Variants in IL1RAPL1 observed in about 807,000 individuals in gnomAD.
The protein encoded by IL1RAPL1 is interleukin 1 receptor accessory protein like 1, also known as interleukin-1 receptor accessory protein-like 1.
IL1RAPL1 carries 3 observed loss-of-function variants against 48.4 expected under a neutral mutation model. The ratio of observed to expected loss-of-function variants is 0.06; its 90% CI spans 0.03 to 0.16. The LOEUF (loss-of-function observed/expected upper bound fraction) is 0.16, where lower values mean the gene tolerates loss of function less well. IL1RAPL1 is among the 10% of genes least tolerant of loss of function. The probability of loss-of-function intolerance (pLI) is 1.00; values close to 1 mark genes in which losing one functional copy is unlikely to be tolerated. For missense variants in IL1RAPL1, 349 were observed against 530.6 expected (o/e 0.66, Z 3.36); for synonymous variants, 185 against 187.7 (o/e 0.99, Z 0.12).
intron 6 of IL1RAPL1, among the ~76,000 whole-genome samples, chrX:29,860,276 AATAACT>A (rs1292345869): frequency 8.9e-6 from 1 of 112,079 alleles, no homozygotes; most frequent in African/African-American, 3.2e-5. Context: ...AAACCATATA[AATAACT>A]ATAATACTCT....
chrX:28,752,555 T>C (rs1936056470), intron 1 of IL1RAPL1, among the ~76,000 whole-genome samples: 1 of 112,201 alleles, frequency 8.9e-6, no homozygotes. Flanking sequence ...TCAAAGCAGG[T>C]GATGTTTAGG....
chrX:29,066,980 G>T (rs1190091865), intron 2 of IL1RAPL1, among the ~76,000 whole-genome samples: 1 of 111,820 alleles, frequency 8.9e-6, no homozygotes, highest in Admixed American at 9.5e-5. Flanking sequence ...GAGGAAGGAT[G>T]TAGACCATGT....
At chrX:29,839,622 A>G (rs1019691663) in intron 6 of IL1RAPL1, among the ~76,000 whole-genome samples, 2 of 112,569 alleles carry the variant, frequency 1.8e-5, no homozygotes, top group Non-Finnish European at 3.7e-5. Flanking sequence ...TTGGCTGGGC[A>G]CAGTGGCTCA....
At chrX:29,156,065 A>G (rs752871762) in intron 2 of IL1RAPL1, among the ~76,000 whole-genome samples, 1 of 111,290 alleles carries the variant, frequency 9.0e-6, no homozygotes, top group African/African-American at 3.3e-5. Context: ...CACTATTTCA[A>G]AGTGTGCATA....
intron 1 of IL1RAPL1, among the ~76,000 whole-genome samples, chrX:28,781,510 G>T (rs1217269691): frequency 9.1e-6 from 1 of 109,524 alleles, no homozygotes; most frequent in Non-Finnish European, 1.9e-5. Context: ...ACCTGATTAG[G>T]CTGGGCCCAA....
intron 2 of IL1RAPL1, among the ~76,000 whole-genome samples, chrX:29,272,493 T>C: frequency 8.9e-6 from 1 of 111,985 alleles, no homozygotes; most frequent in East Asian, 2.8e-4. Context: ...CAATCTCTTC[T>C]GGCTTGTAGG....
At chrX:28,608,503 A>G (rs1488873880) in intron 1 of IL1RAPL1, among the ~76,000 whole-genome samples, 5 of 111,981 alleles carry the variant, frequency 4.5e-5, no homozygotes, top group Non-Finnish European at 9.4e-5. Flanking sequence ...TCTTTTCTAT[A>G]CTGAAGAAAA....
rs769998048 is a variant in IL1RAPL1 at position 29,568,007 on chromosome X, G to A, written c.704-100423G>A. On this transcript the variant is annotated intron_variant, in intron 5 of 10. Coordinates refer to ENST00000378993, the MANE Select transcript of IL1RAPL1 (RefSeq NM_014271.4). ...ATAACCCTTAATTCCAACATGATCT[G>A]TTTCAGATTACTAAAGGAAATATAT... Among the ~76,000 whole-genome samples, 21 of 109,758 alleles carry A rather than the reference G, an allele frequency of 1.9e-4. 1 individual carries two copies. Among genetic ancestry groups the A allele is most frequent in the Non-Finnish European group, 3.6e-4 (19 of 52,402 alleles).
At chrX:29,716,361 G>A (rs1218182499) in intron 6 of IL1RAPL1, among the ~76,000 whole-genome samples, 2 of 111,276 alleles carry the variant, frequency 1.8e-5, no homozygotes, top group East Asian at 5.7e-4. Flanking sequence ...CCTTGCTTGT[G>A]ATCATCTCAG....
chrX:29,856,559 A>C (rs985933149), intron 6 of IL1RAPL1, among the ~76,000 whole-genome samples: 2 of 111,971 alleles, frequency 1.8e-5, no homozygotes, highest in African/African-American at 6.5e-5. Context: ...TTCTTTTGCT[A>C]CCAAATGAGT....
intron 5 of IL1RAPL1, among the ~76,000 whole-genome samples, chrX:29,509,663 GCA>G (rs1569327290): frequency 9.2e-6 from 1 of 108,261 alleles, no homozygotes. Flanking sequence ...GCACACACAT[GCA>G]CACACACGCA....
intron 5 of IL1RAPL1, among the ~76,000 whole-genome samples, chrX:29,486,612 C>CAAAAAAGAAAAAAA (rs1935098646): frequency 2.4e-5 from 1 of 40,915 alleles, no homozygotes; most frequent in Non-Finnish European, 4.1e-5. Flanking sequence ...AAGTGCTATA[C>CAAAAAAGAAAAAAA]AAAAAAAAAA....
chrX:29,405,935 T>C (rs1259266071), intron 5 of IL1RAPL1, among the ~76,000 whole-genome samples: 1 of 111,763 alleles, frequency 8.9e-6, no homozygotes, highest in Non-Finnish European at 1.9e-5. Flanking sequence ...GATGTTCTTT[T>C]CTGTTTTTAT....
chrX:28,984,070 T>G (rs1015037050), intron 2 of IL1RAPL1, among the ~76,000 whole-genome samples: 5 of 111,568 alleles, frequency 4.5e-5, no homozygotes, highest in African/African-American at 6.5e-5. Context: ...AGCTCAAAGT[T>G]CTAGAGCAGT....
At chrX:28,801,871 A>T (rs984606918) in intron 2 of IL1RAPL1, among the ~76,000 whole-genome samples, 70 of 112,041 alleles carry the variant, frequency 6.2e-4, no homozygotes, top group African/African-American at 2.1e-3. Context: ...TTGCACTACA[A>T]CATTGTCCAT....
At chrX:28,820,111 A>G (rs1221992305) in intron 2 of IL1RAPL1, among the ~76,000 whole-genome samples, 1 of 102,725 alleles carries the variant, frequency 9.7e-6, no homozygotes, top group Admixed American at 1.1e-4. Flanking sequence ...TACCTACTCA[A>G]ATTATCCTTT....
intron 5 of IL1RAPL1, among the ~76,000 whole-genome samples, chrX:29,617,913 G>A (rs1387723745): frequency 9.0e-6 from 1 of 111,503 alleles, no homozygotes; most frequent in Non-Finnish European, 1.9e-5. Context: ...AATAAGAATG[G>A]TGTCACCTGC....
At chrX:29,772,396 G>A (rs1461779691) in intron 6 of IL1RAPL1, among the ~76,000 whole-genome samples, 2 of 111,172 alleles carry the variant, frequency 1.8e-5, no homozygotes, top group African/African-American at 6.5e-5. Flanking sequence ...GTACGTTAGT[G>A]ATAATATCAC....
intron 2 of IL1RAPL1, among the ~76,000 whole-genome samples, chrX:28,809,173 A>G (rs1309262270): frequency 9.1e-6 from 1 of 109,928 alleles, no homozygotes; most frequent in Non-Finnish European, 1.9e-5. Flanking sequence ...TAGATCTAGT[A>G]ATTTTATTTT....
Sources: allele counts gnomAD v4.1 joint callset (sites outside exome capture counted in the v4.1 genomes callset), GRCh38; gene constraint gnomAD v4.1.1; transcripts MANE v1.5; gene names NCBI Gene and HGNC (gene_info 2026-07-23, HGNC 2026-07-21).